The following NDST3 variants were observed in gnomAD, a reference collection of about 807,000 sequenced individuals.
NDST3 encodes bifunctional heparan sulfate N-deacetylase/N-sulfotransferase 3.
A neutral mutation model predicts 96.1 loss-of-function variants in NDST3; 58 were observed. The observed-to-expected ratio is 0.60, with a 90% CI of 0.49 to 0.75. The LOEUF (loss-of-function observed/expected upper bound fraction) is 0.75. Ranked by LOEUF, NDST3 falls within the 30% of genes least tolerant of loss-of-function variation. The probability of loss-of-function intolerance (pLI) is 0.00; values close to 1 mark genes in which losing one functional copy is unlikely to be tolerated. For missense variants in NDST3, 788 were observed against 1,034.2 expected (o/e 0.76, Z 3.27); for synonymous variants, 333 against 359.7 (o/e 0.93, Z 0.84).
At chr4:118,127,082 T>C (rs1045306178) in intron 4 of NDST3, among the ~76,000 whole-genome samples, 1 of 147,250 alleles carries the variant, frequency 6.8e-6, no homozygotes, top group South Asian at 2.2e-4. Context: ...TTCTTATATA[T>C]TCTGGTTATT....
At chr4:118,209,572 C>T (rs1427273440) in intron 6 of NDST3, among the ~76,000 whole-genome samples, 1 of 152,182 alleles carries the variant, frequency 6.6e-6, no homozygotes, top group Non-Finnish European at 1.5e-5. Flanking sequence ...GATCATCAAT[C>T]TTTAGCTCGT....
chr4:118,122,888 A>G (rs1339783801), intron 4 of NDST3, among the ~76,000 whole-genome samples: 1 of 152,222 alleles, frequency 6.6e-6, no homozygotes, highest in East Asian at 1.9e-4. Context: ...AGCAAGGCTT[A>G]GAGAGCTTAT....
At chr4:118,230,503 G>C (rs1204405786) in intron 8 of NDST3, among the ~76,000 whole-genome samples, 1 of 151,792 alleles carries the variant, frequency 6.6e-6, no homozygotes, top group Non-Finnish European at 1.5e-5. Context: ...TGAACCCGGC[G>C]GGCGGAGCTT....
At chr4:118,235,638 C>T (rs948984038) in intron 9 of NDST3, among the ~76,000 whole-genome samples, 9 of 152,098 alleles carry the variant, frequency 5.9e-5, no homozygotes, top group Non-Finnish European at 1.3e-4. Flanking sequence ...AAGCTTGGAC[C>T]AAATAAGATA....
At chr4:118,143,331 CACA>C (rs1733701016) in intron 5 of NDST3, among the ~76,000 whole-genome samples, 1 of 151,938 alleles carries the variant, frequency 6.6e-6, no homozygotes, top group African/African-American at 2.4e-5. Context: ...GCTAAAATAA[CACA>C]ACACCTATTT....
intron 2 of NDST3, among the ~76,000 whole-genome samples, chr4:118,066,225 TA>T (rs1726378424): frequency 1.5e-5 from 1 of 66,550 alleles, no homozygotes; most frequent in Non-Finnish European, 2.6e-5. Context: ...CATAATATAT[TA>T]TATATATTAT....
chr4:118,157,499 C>T (rs1734792905), intron 6 of NDST3, among the ~76,000 whole-genome samples: 1 of 150,514 alleles, frequency 6.6e-6, no homozygotes, highest in South Asian at 2.1e-4. Flanking sequence ...GATCTCAGCT[C>T]ACTGCCTCCG....
intron 12 of NDST3, 68 bp from the exon 13 acceptor site, chr4:118,253,431 A>C: frequency 1.0e-6 from 1 of 980,544 alleles, no homozygotes; most frequent in African/African-American, 1.6e-5. Context: ...TGTATTGGTC[A>C]CCATATCATA....
intron 2 of NDST3, among the ~76,000 whole-genome samples, chr4:118,090,151 G>C (rs1314306913): frequency 6.6e-6 from 1 of 151,918 alleles, no homozygotes; most frequent in African/African-American, 2.4e-5. Flanking sequence ...GGAATAAGAA[G>C]CCGTTAAAAC....
chr4:118,126,519 T>TATATATATATACACACAC (rs1294330556), intron 4 of NDST3, among the ~76,000 whole-genome samples: 13 of 29,314 alleles, frequency 4.4e-4, no homozygotes, highest in Admixed American at 1.0e-3. Flanking sequence ...TATGTGTATA[T>TATATATATATACACACAC]ATATATATAT....
At chr4:118,166,622 T>C (rs528477193) in intron 6 of NDST3, among the ~76,000 whole-genome samples, 3 of 152,038 alleles carry the variant, frequency 2.0e-5, no homozygotes, top group South Asian at 4.1e-4. Flanking sequence ...GACAATATTC[T>C]TGATGAACAT....
intron 6 of NDST3, among the ~76,000 whole-genome samples, chr4:118,177,909 G>C (rs1313202111): frequency 6.6e-6 from 1 of 151,882 alleles, no homozygotes; most frequent in Non-Finnish European, 1.5e-5. Context: ...GGAATGTTTA[G>C]AAAATCCAGG....
intron 6 of NDST3, among the ~76,000 whole-genome samples, chr4:118,176,285 C>A (rs914049599): frequency 1.1e-4 from 17 of 151,840 alleles, no homozygotes; most frequent in Non-Finnish European, 2.2e-4. Context: ...CAAACCTATC[C>A]CCTACATATT....
At chr4:118,164,799 G>C (rs891665533) in intron 6 of NDST3, among the ~76,000 whole-genome samples, 2 of 152,098 alleles carry the variant, frequency 1.3e-5, no homozygotes, top group Non-Finnish European at 2.9e-5. Context: ...GGCAAGGGAG[G>C]TGAAAGAATA....
intron 12 of NDST3, among the ~76,000 whole-genome samples, chr4:118,250,651 A>G (rs1368724336): frequency 6.6e-6 from 1 of 151,902 alleles, no homozygotes; most frequent in African/African-American, 2.4e-5. Context: ...TGCCCGGCTA[A>G]TTTTGTATCT....
At chr4:118,155,687 G>C (rs1734669088) in intron 6 of NDST3, among the ~76,000 whole-genome samples, 1 of 152,024 alleles carries the variant, frequency 6.6e-6, no homozygotes, top group South Asian at 2.1e-4. Flanking sequence ...TTTAACCAAT[G>C]GTAAAATTGG....
intron 1 of NDST3, among the ~76,000 whole-genome samples, chr4:118,040,941 G>C (rs1192302462): frequency 6.7e-6 from 1 of 148,430 alleles, no homozygotes; most frequent in Non-Finnish European, 1.5e-5. Flanking sequence ...TAGAGATGGG[G>C]TTTCGCTGTG....
chr4:118,169,188 T>C (rs1456467018), intron 6 of NDST3, among the ~76,000 whole-genome samples: 2 of 152,140 alleles, frequency 1.3e-5, no homozygotes, highest in East Asian at 3.9e-4. Context: ...CTTAATCTAA[T>C]GAAGAAATAA....
At chr4:118,162,213 C>G (rs1238349096) in intron 6 of NDST3, among the ~76,000 whole-genome samples, 1 of 152,138 alleles carries the variant, frequency 6.6e-6, no homozygotes, top group Non-Finnish European at 1.5e-5. Context: ...CCCCATCAAG[C>G]TACCAATGAC....
Sources: gnomAD v4.1 joint callset for allele counts (sites outside exome capture counted in the v4.1 genomes callset) on GRCh38, gnomAD v4.1.1 for gene constraint, MANE v1.5 for transcripts, NCBI Gene and HGNC (gene_info 2026-07-23, HGNC 2026-07-21) for gene names.